MED1: variants seen among roughly 807,000 people sequenced by gnomAD.
The protein encoded by MED1 is mediator of RNA polymerase II transcription subunit 1.
In MED1, 17 loss-of-function variants were observed where a neutral mutation model predicts 121.3. That is an observed-to-expected ratio of 0.14 (90% confidence interval 0.10 to 0.21). The LOEUF (loss-of-function observed/expected upper bound fraction) is 0.21, where lower values mean the gene tolerates loss of function less well. Among genes scored for constraint, MED1 ranks in the 10% least tolerant of loss-of-function variants. MED1 has a pLI of 1.00. For synonymous variants in MED1, 661 were observed against 694.4 expected (o/e 0.95, Z 0.76); for missense variants, 1,558 against 1,919.4 (o/e 0.81, Z 3.52).
At position 39,408,899 on chromosome 17, in the gene MED1, C is replaced by T; in HGVS notation, c.3322G>A (p.Ala1108Thr). The T allele has an allele frequency of 6.2e-7, 1 of 1,614,120 alleles. No homozygotes were observed. Residue 1108 changes from alanine to threonine, a missense_variant, in exon 17 of 17, where the codon GCT (alanine) becomes ACT (threonine). Transcript: ENST00000300651. This position sits in a 1 kb window ranked among gnomAD's most constrained non-coding sequence, Gnocchi z 4.7. ...HSHSSSSSSS[A>T]STSGKMKSSK... ...CTTTTCATCTTCCCTGAGGTGGAAGCAGATGAGGAAGAGGAGGAAGAATGG... is the reference window on the plus strand; with the variant it reads ...CTTTTCATCTTCCCTGAGGTGGAAGTAGATGAGGAAGAGGAGGAAGAATGG...
In MED1 at chr17:39,406,558, G is replaced by A; in HGVS notation, c.*917C>T. The A allele has an allele frequency of 1.0e-6, 1 of 978,286 alleles. No homozygotes were observed. The highest frequency in any genetic ancestry group is 1.2e-6 in the Non-Finnish European group (1 of 825,782). 60.6% of individuals were successfully genotyped at this position (978,286 alleles called of 1,614,324 possible). A position where few individuals can be genotyped will look rare whatever the true frequency, so the allele number is the denominator to read the frequency against. On this transcript the variant is annotated 3_prime_UTR_variant, in exon 17 of 17. Transcript: ENST00000300651. ...GTTTACATCCCAACAAGCCACCTTA[G>A]CTTTTTTTTTTTTTTTTGAAAGGAA... is the stretch of plus-strand genomic sequence containing the variant.
chr17:39,424,766 C>T, intron 10 of MED1, 28 bp from the exon 11 acceptor site: 2 of 1,302,986 alleles, frequency 1.5e-6, no homozygotes, highest in Non-Finnish European at 2.2e-6. Flanking sequence ...AAAGGGTATT[C>T]CTCAAAGTAA....
At chr17:39,430,533 A>G (rs2048555674) in intron 9 of MED1, among the ~76,000 whole-genome samples, 2 of 151,588 alleles carry the variant, frequency 1.3e-5, no homozygotes, top group Admixed American at 6.6e-5. Context: ...CCACTAAAAA[A>G]TACAAAAAAA....
chr17:39,406,623 CCTA>C lies in MED1; in HGVS notation c.*849_*851del. On this transcript the variant is annotated 3_prime_UTR_variant, in exon 17 of 17. Transcript: ENST00000300651. ...TCAATACCTCCACAGAGAGGTAACT[CCTA>C]ATATTCCTATGATCTCTGAACCCTA... The C allele has an allele frequency of 1.0e-6, 1 of 982,656 alleles. No individual in the cohort carries two copies. Among genetic ancestry groups the C allele is most frequent in the Non-Finnish European group, 1.2e-6 (1 of 828,652 alleles). 60.9% of individuals were successfully genotyped at this position (982,656 alleles called of 1,614,324 possible). A position where few individuals can be genotyped will look rare whatever the true frequency, so the allele number is the denominator to read the frequency against.
chr17:39,437,979 G>T (rs990309165), intron 6 of MED1, among the ~76,000 whole-genome samples: 2 of 151,764 alleles, frequency 1.3e-5, no homozygotes, highest in Non-Finnish European at 2.9e-5. Context: ...AAAGGGGCCA[G>T]GTGCTCAGTG....
In MED1 at chr17:39,408,532, C is replaced by G. The variant is rs138590651; in HGVS notation, c.3689G>C (p.Gly1230Ala). ...ACTAGTTCCAGACATATGAGAACCA[C>G]CAGAACCTGAACTGATAGGGGACTT... ...KAKSPISSGS[G>A]GSHMSGTSSS... Residue 1230 changes from glycine (G) to alanine (A), a missense_variant, in exon 17 of 17, where the codon GGT (glycine) becomes GCT (alanine). Coordinates refer to ENST00000300651, the MANE Select transcript of MED1 (RefSeq NM_004774.4). The surrounding 1 kb of genome is among the most constrained non-coding windows in gnomAD (Gnocchi z 4.7). 138 of 1,614,180 alleles carry G rather than the reference C, an allele frequency of 8.5e-5. No individual in the cohort carries two copies. In the Middle Eastern group the frequency reaches 1.2e-3, roughly 14 times the overall value.
At chr17:39,423,976 G>A (rs1394533017) in intron 11 of MED1, among the ~76,000 whole-genome samples, 155 bp from the exon 12 acceptor site, 4 of 151,862 alleles carry the variant, frequency 2.6e-5, no homozygotes, top group South Asian at 2.1e-4. Context: ...TCTGCCTCCC[G>A]GGTTCAAGGG....
At chr17:39,444,912 A>G (rs1251500463) in intron 2 of MED1, among the ~76,000 whole-genome samples, 1 of 152,104 alleles carries the variant, frequency 6.6e-6, no homozygotes, top group Non-Finnish European at 1.5e-5. Flanking sequence ...AACTTAGCCT[A>G]GTTTTCCTAA....
At position 39,406,664 on chromosome 17, in the gene MED1, TAAAATA is replaced by T; in HGVS notation, c.*805_*810del. On this transcript the variant is annotated 3_prime_UTR_variant, in exon 17 of 17. Coordinates refer to ENST00000300651, the MANE Select transcript of MED1 (RefSeq NM_004774.4). ...TCTCTGAACCCTATTTAAACCCTCC[TAAAATA>T]AAAATATCATTTTGGTTTTTCTATT... 1 of 984,776 alleles carries T rather than the reference TAAAATA, an allele frequency of 1.0e-6. No individual in the cohort carries two copies. The highest frequency in any genetic ancestry group is 1.2e-6 in the Non-Finnish European group (1 of 829,536). The allele number at this position is 984,776 out of a possible 1,614,324, so 61.0% of individuals were successfully genotyped here. A position where few individuals can be genotyped will look rare whatever the true frequency, so the allele number is the denominator to read the frequency against.
At chr17:39,425,190 CTATT>C (rs539637548) in intron 10 of MED1, among the ~76,000 whole-genome samples, 4 of 151,756 alleles carry the variant, frequency 2.6e-5, no homozygotes, top group South Asian at 2.1e-4. Flanking sequence ...TGCGCCCAGC[CTATT>C]TATTTATTTT....
chr17:39,449,515 T>C (rs939362744), intron 1 of MED1, among the ~76,000 whole-genome samples: 2 of 25,080 alleles, frequency 8.0e-5, no homozygotes, highest in Non-Finnish European at 4.5e-4. Context: ...ATTTTTTTTC[T>C]TTTTTTTTTT....
intron 6 of MED1, among the ~76,000 whole-genome samples, 170 bp from the exon 7 acceptor site, chr17:39,434,490 A>G (rs1043857976): frequency 3.3e-5 from 5 of 152,186 alleles, no homozygotes. Flanking sequence ...CAGCAAAAGA[A>G]AAGAAAATAT....
intron 3 of MED1, among the ~76,000 whole-genome samples, chr17:39,442,791 G>A (rs1220294564): frequency 2.7e-5 from 4 of 149,066 alleles, no homozygotes; most frequent in Admixed American, 2.0e-4. Context: ...TGTAATCCCA[G>A]CTACTTGGGA....
At chr17:39,414,947 C>G in intron 16 of MED1, 79 bp downstream of exon 16, 1 of 1,270,594 alleles carries the variant, frequency 7.9e-7, no homozygotes, top group Middle Eastern at 1.9e-4. Flanking sequence ...GGATTACAGG[C>G]GTGAGCCACC....
rs2048340348 is a variant in MED1, at chr17:39,409,940, G to A, written c.2281C>T (p.Pro761Ser). The A allele has an allele frequency of 6.2e-7, 1 of 1,614,150 alleles. No individual in the cohort carries two copies. Among genetic ancestry groups the A allele is most frequent in the Non-Finnish European group, 8.5e-7 (1 of 1,180,030 alleles). ...TYPQPVPHPQ[P>S]SIQRMVRLSS... Reference sequence around the variant, plus strand: ...AGTCGGACCATCCTTTGAATACTGGGTTGGGGGTGAGGTACTGGTTGTGGG... The same window carrying A: ...AGTCGGACCATCCTTTGAATACTGGATTGGGGGTGAGGTACTGGTTGTGGG... Residue 761 changes from proline to serine, a missense_variant, in exon 17 of 17, where the codon CCC becomes TCC. Pro to Ser is a moderately conservative substitution (Grantham distance 74, BLOSUM62 -1). Transcript: ENST00000300651.
Sources: allele counts gnomAD v4.1 joint callset (sites outside exome capture counted in the v4.1 genomes callset), GRCh38; gene constraint gnomAD v4.1.1; non-coding constraint Gnocchi (gnomAD v3.1); transcripts MANE v1.5; gene names NCBI Gene and HGNC (gene_info 2026-07-23, HGNC 2026-07-21).